DLGAP2: variants seen among roughly 807,000 people sequenced by gnomAD.
The protein encoded by DLGAP2 is disks large-associated protein 2.
Under a neutral mutation model 100.3 loss-of-function variants are expected in DLGAP2, and 26 were observed. The observed-to-expected ratio is 0.26, with a 90% CI of 0.19 to 0.36. The LOEUF is 0.36. Ranked by LOEUF, DLGAP2 falls within the 10% of genes least tolerant of loss-of-function variation. DLGAP2 has a pLI of 1.00. For missense variants in DLGAP2, 1,858 were observed against 1,453.2 expected, an observed-to-expected ratio of 1.28 and a Z score of -4.53; for synonymous variants, 886 against 630.1, an observed-to-expected ratio of 1.41 and a Z score of -6.08.
intron 3 of DLGAP2, among the ~76,000 whole-genome samples, chr8:1,325,294 C>T (rs530930021): frequency 1.3e-5 from 2 of 152,262 alleles, no homozygotes; most frequent in Admixed American, 1.3e-4. Flanking sequence ...CTTTCCTGGA[C>T]CAAGGAAGTT....
intron 12 of DLGAP2, among the ~76,000 whole-genome samples, chr8:1,688,704 A>G (rs113892445): frequency 1.1e-4 from 16 of 152,324 alleles, no homozygotes; most frequent in African/African-American, 3.4e-4. Context: ...ATAAGACAAG[A>G]CAGAAAAATA....
At chr8:1,166,397 C>T (rs555499644) in intron 2 of DLGAP2, among the ~76,000 whole-genome samples, 1 of 152,316 alleles carries the variant, frequency 6.6e-6, no homozygotes, top group South Asian at 2.1e-4. Context: ...AATGCGCCAT[C>T]TGATTTGACT....
chr8:1,503,023 G>A lies in DLGAP2; in HGVS notation c.172+1592G>A, dbSNP rs138170683. On this transcript the variant is annotated intron_variant, in intron 4 of 14. Coordinates refer to ENST00000637795, the MANE Select transcript of DLGAP2 (RefSeq NM_001346810.2). ...TGCCTGGATTCTGACCCTGGACTCC[G>A]TGGTTGAGAGTTTGTTTGTTCTGCA... Among the ~76,000 whole-genome samples, 364 of 152,256 alleles carry A rather than the reference G, an allele frequency of 2.4e-3. 1 individual carries two copies. The highest frequency in any genetic ancestry group is 8.2e-3 in the African/African-American group (339 of 41,542).
intron 5 of DLGAP2, among the ~76,000 whole-genome samples, chr8:1,550,132 G>A (rs1029228660): frequency 1.2e-4 from 19 of 152,186 alleles, no homozygotes; most frequent in Non-Finnish European, 2.5e-4. Flanking sequence ...CTATCTGTGT[G>A]CGCCGGGCTC....
chr8:930,630 C>T (rs76753179), intron 2 of DLGAP2, among the ~76,000 whole-genome samples: 2,190 of 152,290 alleles, frequency 0.014, 61 homozygotes, highest in African/African-American at 0.05. Context: ...GGGCTTGCCG[C>T]CACGTTGGGT....
At chr8:1,649,037 G>C (rs773502948) in intron 8 of DLGAP2, among the ~76,000 whole-genome samples, 5 of 152,138 alleles carry the variant, frequency 3.3e-5, no homozygotes, top group Non-Finnish European at 5.9e-5. Context: ...GAGAGGTCCG[G>C]AGGGGCCCAA....
At chr8:1,667,609 C>T (rs1199593436) in intron 8 of DLGAP2, among the ~76,000 whole-genome samples, 2 of 152,330 alleles carry the variant, frequency 1.3e-5, no homozygotes, top group South Asian at 4.1e-4. Context: ...AACACACAAG[C>T]CCAAGAGCAG....
intron 1 of DLGAP2, among the ~76,000 whole-genome samples, chr8:860,864 C>A (rs540472389): frequency 1.3e-5 from 2 of 152,050 alleles, no homozygotes; most frequent in Non-Finnish European, 2.9e-5. Context: ...CAAATCATGA[C>A]GCCTATGAAG....
intron 2 of DLGAP2, among the ~76,000 whole-genome samples, chr8:984,834 A>T (rs1273284514): frequency 6.6e-6 from 1 of 152,174 alleles, no homozygotes; most frequent in African/African-American, 2.4e-5. Flanking sequence ...AATGCACCTG[A>T]TTCTTCACTG....
chr8:1,113,843 T>C (rs1179719543), intron 2 of DLGAP2, among the ~76,000 whole-genome samples: 4 of 152,210 alleles, frequency 2.6e-5, no homozygotes, highest in Admixed American at 6.5e-5. Context: ...ATGTCATAGA[T>C]GGCTCTTAAT....
At chr8:913,499 G>C (rs1798531061) in intron 2 of DLGAP2, among the ~76,000 whole-genome samples, 1 of 152,212 alleles carries the variant, frequency 6.6e-6, no homozygotes, top group Non-Finnish European at 1.5e-5. Context: ...GACTCCATTA[G>C]TGTCACACCT....
intron 8 of DLGAP2, among the ~76,000 whole-genome samples, chr8:1,659,349 C>G (rs1009293724): frequency 6.6e-6 from 1 of 152,100 alleles, no homozygotes; most frequent in African/African-American, 2.4e-5. Flanking sequence ...CTGTAGATGT[C>G]TATTAGGTCC....
At chr8:1,068,743 C>CAGAGGG (rs1803334493) in intron 2 of DLGAP2, among the ~76,000 whole-genome samples, 1 of 152,170 alleles carries the variant, frequency 6.6e-6, no homozygotes, top group African/African-American at 2.4e-5. Context: ...GCATGTGGGT[C>CAGAGGG]CGGGATATGC....
chr8:903,166 A>C (rs1319029676), intron 1 of DLGAP2, among the ~76,000 whole-genome samples: 2 of 151,986 alleles, frequency 1.3e-5, no homozygotes, highest in African/African-American at 4.8e-5. Context: ...CGTTAATGTC[A>C]GGACGTTTTT....
chr8:839,232 G>T (rs74635280), intron 1 of DLGAP2, among the ~76,000 whole-genome samples: 9,718 of 152,114 alleles, frequency 0.064, 740 homozygotes, highest in Admixed American at 0.22. Flanking sequence ...CCCACTTCTT[G>T]GCACAAATCC....
chr8:1,044,320 C>T (rs1319261077), intron 2 of DLGAP2, among the ~76,000 whole-genome samples: 1 of 152,188 alleles, frequency 6.6e-6, no homozygotes, highest in African/African-American at 2.4e-5. Context: ...CTGGGCAAAA[C>T]TCAGCCGTCT....
At chr8:1,267,581 AATAAAATAAGAT>A (rs1316601186) in intron 3 of DLGAP2, among the ~76,000 whole-genome samples, 1 of 64,956 alleles carries the variant, frequency 1.5e-5, no homozygotes, top group Non-Finnish European at 3.0e-5. Context: ...AATAAAATAA[AATAAAATAAGAT>A]AAGATAAGAT....
At chr8:918,379 G>A (rs983122966) in intron 2 of DLGAP2, among the ~76,000 whole-genome samples, 1 of 152,182 alleles carries the variant, frequency 6.6e-6, no homozygotes, top group Non-Finnish European at 1.5e-5. Flanking sequence ...TTTACCAGTC[G>A]TCTGACAACC....
chr8:1,689,551 G>GGGCT (rs1179795805), intron 12 of DLGAP2, among the ~76,000 whole-genome samples: 2 of 152,216 alleles, frequency 1.3e-5, no homozygotes, highest in African/African-American at 4.8e-5. Context: ...GCAGGAGAAA[G>GGGCT]GGCTGGGCTA....
Sources: allele counts gnomAD v4.1 joint callset (sites outside exome capture counted in the v4.1 genomes callset), GRCh38; gene constraint gnomAD v4.1.1; transcripts MANE v1.5; gene names NCBI Gene and HGNC (gene_info 2026-07-23, HGNC 2026-07-21).